Variants in TACC3 observed in about 807,000 individuals in gnomAD.
TACC3 encodes the protein transforming acidic coiled-coil-containing protein 3.
In TACC3, 52 loss-of-function variants were observed where a neutral mutation model predicts 86.0. The observed-to-expected ratio is 0.60, with a 90% CI of 0.48 to 0.76. The LOEUF (loss-of-function observed/expected upper bound fraction) is 0.76. TACC3 is among the 30% of genes least tolerant of loss of function. The probability of loss-of-function intolerance (pLI) is 0.00; values close to 1 mark genes in which losing one functional copy is unlikely to be tolerated. For synonymous variants in TACC3, 512 were observed against 430.0 expected, an observed-to-expected ratio of 1.19 and a Z score of -2.36; for missense variants, 1,120 against 1,070.4, an observed-to-expected ratio of 1.05 and a Z score of -0.65.
intron 10 of TACC3, 110 bp downstream of exon 10, chr4:1,737,812 C>T: frequency 1.9e-6 from 2 of 1,032,468 alleles, no homozygotes; most frequent in East Asian, 2.6e-5. Context: ...CCATCCCTGC[C>T]CCTGCTGGTT....
At chr4:1,723,316 C>G in intron 1 of TACC3, 105 bp from the exon 2 acceptor site, 1 of 1,189,264 alleles carries the variant, frequency 8.4e-7, no homozygotes, top group East Asian at 2.5e-5. Context: ...ATGAGCACAC[C>G]TGTGTGGGAA....
rs1717758459 is a variant in TACC3, at chr4:1,727,711, A to G, written c.309A>G (p.Gln103=). ...SHPVWTQKEN[Q]QLIKEVDAKT... ...TTGATTAAGTCTCTTTTAAAAGCCAACAGCTCATCAAGGAAGTGGATGCCA... is the reference window on the plus strand; with the variant it reads ...TTGATTAAGTCTCTTTTAAAAGCCAGCAGCTCATCAAGGAAGTGGATGCCA... The change falls in exon 4 of 16, where the codon CAA becomes CAG. Residue 103 remains glutamine, a synonymous_variant. Coordinates refer to ENST00000313288, the MANE Select transcript of TACC3 (RefSeq NM_006342.3). The G allele has an allele frequency of 1.9e-6, 3 of 1,578,428 alleles. No homozygotes were observed. Among genetic ancestry groups the G allele is most frequent in the Non-Finnish European group, 1.7e-6 (2 of 1,161,448 alleles).
At chr4:1,720,930 G>A (rs955181135), upstream of TACC3, 1 of 1,164,726 alleles carries the variant, frequency 8.6e-7, no homozygotes. The surrounding 1 kb of genome is among the most constrained non-coding windows in gnomAD (Gnocchi z 4.4). Flanking sequence ...GGTTGCGGCG[G>A]CCGCCGCCCG....
chr4:1,745,147 A>G lies in TACC3; in HGVS notation c.*134A>G. The G allele has an allele frequency of 5.1e-6, 5 of 973,446 alleles. No homozygotes were observed. The highest frequency in any genetic ancestry group is 7.5e-6 in the Non-Finnish European group (5 of 664,988). 60.3% of individuals were successfully genotyped at this position (973,446 alleles called of 1,614,324 possible). ...CTAGATTGCTTTGAAAACATGACTC[A>G]ATAAAAGTTTCCTTTCAATTTAAAC... On this transcript the variant is annotated 3_prime_UTR_variant, in exon 16 of 16. Coordinates refer to ENST00000313288, the MANE Select transcript of TACC3 (RefSeq NM_006342.3).
intron 1 of TACC3, 166 bp from the exon 2 acceptor site, chr4:1,723,255 T>C: frequency 1.4e-6 from 1 of 692,250 alleles, no homozygotes; most frequent in Non-Finnish European, 2.4e-6. Context: ...GGACTCAGTC[T>C]GAGGCTTTCT....
At position 1,735,389 on chromosome 4, in the gene TACC3, C is replaced by A; in HGVS notation, c.1644+64C>A. 6.3e-7 allele frequency: 1 copy of A among 1,595,760 alleles called. No individual in the cohort carries two copies. On this transcript the variant is annotated intron_variant, in intron 7 of 15. Transcript: ENST00000313288. This position sits in a 1 kb window ranked among gnomAD's most constrained non-coding sequence, Gnocchi z 4.2. ...GTGTCCGAGAGCAGCCACGGCAGGT[C>A]TTGCCCCCGGAGCGTCCCTTGGTGC...
chr4:1,744,544 G>C lies in TACC3; in HGVS notation c.2250G>C (p.Val750=). The change falls in exon 14 of 16, where the codon GTG becomes GTC. Residue 750 remains valine (V), a synonymous_variant. Coordinates refer to ENST00000313288, the MANE Select transcript of TACC3 (RefSeq NM_006342.3). ...ACGAAGAGTCACTGAAGAAGTGCGT[G>C]GAGGATTACCTGGCAAGGATCACCC... ...RKNEESLKKC[V]EDYLARITQE... The C allele has an allele frequency of 6.2e-7, 1 of 1,613,204 alleles. No individual in the cohort carries two copies. Among genetic ancestry groups the C allele is most frequent in the Non-Finnish European group, 8.5e-7 (1 of 1,179,948 alleles).
At chr4:1,739,576 C>A in intron 10 of TACC3, 126 bp from the exon 11 acceptor site, 2 of 870,490 alleles carry the variant, frequency 2.3e-6, no homozygotes, top group Non-Finnish European at 3.6e-6. Flanking sequence ...GGAAGCCCCA[C>A]ATGGAACTGT....
intron 3 of TACC3, among the ~76,000 whole-genome samples, 169 bp downstream of exon 3, chr4:1,724,039 G>T (rs898263496): frequency 6.6e-6 from 1 of 152,054 alleles, no homozygotes; most frequent in Non-Finnish European, 1.5e-5. Flanking sequence ...CGCGATGTCC[G>T]CTCACTGCAA....
At chr4:1,733,006 G>A (rs1279319810) in intron 6 of TACC3, among the ~76,000 whole-genome samples, 1 of 152,182 alleles carries the variant, frequency 6.6e-6, no homozygotes, top group Admixed American at 6.5e-5. Context: ...TAGCTACCAG[G>A]TGGCCTTCCA....
chr4:1,720,879 G>A (rs1224172429), upstream of TACC3: 3 of 1,536,376 alleles, frequency 2.0e-6, no homozygotes, highest in South Asian at 1.2e-5. The surrounding 1 kb of genome is among the most constrained non-coding windows in gnomAD (Gnocchi z 4.4). Flanking sequence ...CCCCCGCCCC[G>A]GCGCGCGGAC....
At chr4:1,738,085 T>C (rs770395961) in intron 10 of TACC3, 96 of 358,876 alleles carry the variant, frequency 2.7e-4, no homozygotes, top group Non-Finnish European at 4.4e-4. Flanking sequence ...GGAAGCTCCA[T>C]CTTCACCCAC....
chr4:1,744,875 C>G, intron 15 of TACC3, 43 bp downstream of exon 15: 1 of 1,612,634 alleles, frequency 6.2e-7, no homozygotes, highest in Non-Finnish European at 8.5e-7. Flanking sequence ...CTGGCAGCAC[C>G]TTCTAGAAGG....
At chr4:1,724,857 G>A (rs1245027427) in intron 3 of TACC3, among the ~76,000 whole-genome samples, 1 of 151,686 alleles carries the variant, frequency 6.6e-6, no homozygotes, top group Non-Finnish European at 1.5e-5. Context: ...AACCTCCTGG[G>A]CTCAAGCAGT....
At chr4:1,738,974 G>T (rs932826313) in intron 10 of TACC3, among the ~76,000 whole-genome samples, 6 of 152,160 alleles carry the variant, frequency 3.9e-5, no homozygotes, top group Non-Finnish European at 8.8e-5. Flanking sequence ...GAAACTAGAA[G>T]CAAGGGGCGA....
Position 1,728,289 on chromosome 4 carries a change from CCT to C in TACC3, c.890_891del (p.Ser297CysfsTer3). On this transcript the variant is annotated frameshift_variant, in exon 4 of 16. Coordinates refer to ENST00000313288, the MANE Select transcript of TACC3 (RefSeq NM_006342.3). LOFTEE classifies it high-confidence loss of function. ...ACTCAGACCCTTACCTGTGCACACA[CCT>C]CTGCTCCTGAGAGCACAGCCCCAAC... 3 of 1,612,840 alleles carry C rather than the reference CCT, an allele frequency of 1.9e-6. No homozygotes were observed. The highest frequency in any genetic ancestry group is 2.5e-6 in the Non-Finnish European group (3 of 1,180,032).
intron 3 of TACC3, among the ~76,000 whole-genome samples, chr4:1,726,990 A>C (rs536304990): frequency 6.6e-6 from 1 of 152,032 alleles, no homozygotes; most frequent in African/African-American, 2.4e-5. Context: ...AATTAGCCAG[A>C]CATGGTGGCG....
chr4:1,740,077 C>G, intron 12 of TACC3, 75 bp downstream of exon 12: 1 of 1,510,722 alleles, frequency 6.6e-7, no homozygotes, highest in East Asian at 2.2e-5. Flanking sequence ...CTGCCCTGCA[C>G]CCTGCCTAGG....
chr4:1,734,742 C>T (rs1718171085), intron 6 of TACC3, among the ~76,000 whole-genome samples: 2 of 152,204 alleles, frequency 1.3e-5, no homozygotes, highest in South Asian at 4.1e-4. Context: ...ATAATCTCAG[C>T]TCAGTGCAGC....
Sources: gnomAD v4.1 joint callset for allele counts (sites outside exome capture counted in the v4.1 genomes callset) on GRCh38, gnomAD v4.1.1 for gene constraint, Gnocchi (gnomAD v3.1) non-coding constraint, MANE v1.5 for transcripts, NCBI Gene and HGNC (gene_info 2026-07-23, HGNC 2026-07-21) for gene names.